Variants in CEACAM5 observed in about 807,000 individuals in gnomAD.
CEACAM5 encodes the protein CEA cell adhesion molecule 5.
Under a neutral mutation model 63.0 loss-of-function variants are expected in CEACAM5, and 52 were observed. The ratio of observed to expected loss-of-function variants is 0.83; its 90% confidence interval spans 0.66 to 1.04. CEACAM5 has a LOEUF of 1.04. Among genes scored for constraint, CEACAM5 ranks in the 50% least tolerant of loss-of-function variants. The pLI is 0.00. For missense variants in CEACAM5, 790 were observed against 864.8 expected (o/e 0.91, Z 1.08); for synonymous variants, 357 against 351.3 (o/e 1.02, Z -0.18).
In CEACAM5 at chr19:41,710,008, TGAA is replaced by T; in HGVS notation, c.398_400del (p.Glu133del). The T allele has an allele frequency of 1.2e-6, 2 of 1,609,480 alleles. No homozygotes were observed. The highest frequency in any genetic ancestry group is 3.3e-4 in the Middle Eastern group (2 of 6,040). On this transcript the variant is annotated inframe_deletion, in exon 2 of 10. Coordinates refer to ENST00000221992, the MANE Select transcript of CEACAM5 (RefSeq NM_004363.6). ...ACGTCATAAAGTCAGATCTTGTGAA[TGAA>T]GAAGCAACTGGCCAGTTCCGGGTAT... is the stretch of plus-strand genomic sequence containing the variant.
chr19:41,716,418 C>A (rs1212102918), intron 4 of CEACAM5, among the ~76,000 whole-genome samples: 2 of 152,254 alleles, frequency 1.3e-5, no homozygotes, highest in Non-Finnish European at 2.9e-5. Flanking sequence ...TGCCTGACTC[C>A]ACCTAGGTGG....
intron 8 of CEACAM5, among the ~76,000 whole-genome samples, chr19:41,725,517 G>A (rs1315770139): frequency 5.3e-5 from 8 of 151,962 alleles, no homozygotes; most frequent in African/African-American, 1.7e-4. Flanking sequence ...CTACAGACAT[G>A]TGACACCAAG....
chr19:41,714,604 G>A (rs549995258), intron 2 of CEACAM5, among the ~76,000 whole-genome samples: 2 of 152,198 alleles, frequency 1.3e-5, no homozygotes, highest in African/African-American at 4.8e-5. Context: ...GAAGGTGGAA[G>A]GGACCCAGCA....
intron 6 of CEACAM5, 46 bp from the exon 7 acceptor site, chr19:41,719,884 A>T (rs782175194): frequency 6.2e-7 from 1 of 1,610,310 alleles, no homozygotes; most frequent in South Asian, 1.1e-5. Flanking sequence ...CCTGTGAGGA[A>T]TCAAAAGTGC....
At chr19:41,709,285 G>A (rs1600451013) in intron 1 of CEACAM5, among the ~76,000 whole-genome samples, 1 of 152,182 alleles carries the variant, frequency 6.6e-6, no homozygotes, top group East Asian at 1.9e-4. Context: ...AAGAGATCTA[G>A]AATGTGAGGT....
intron 2 of CEACAM5, among the ~76,000 whole-genome samples, chr19:41,711,362 C>T (rs1555814039): frequency 1.3e-5 from 2 of 152,196 alleles, no homozygotes; most frequent in African/African-American, 4.8e-5. Context: ...CCCACTCACA[C>T]CCTGTGCCAA....
In CEACAM5 at chr19:41,727,342, C is replaced by T. The variant is rs368616491; in HGVS notation, c.*26C>T. ...CAGCCCTGGTGTAGTTTCTTCATTT[C>T]AGGAAGACTGGTAGGTATAATGGCC... is the stretch of plus-strand genomic sequence containing the variant. On this transcript the variant is annotated 3_prime_UTR_variant, in exon 9 of 10. Coordinates refer to ENST00000221992, the MANE Select transcript of CEACAM5 (RefSeq NM_004363.6). 4.2e-5 allele frequency: 64 copies of T among 1,507,430 alleles called. No individual in the cohort carries two copies. The African/African-American group carries it at 8.3e-4, about 19-fold the overall frequency. 93.4% of individuals were successfully genotyped at this position (1,507,430 alleles called of 1,614,324 possible).
intron 1 of CEACAM5, among the ~76,000 whole-genome samples, chr19:41,709,049 A>G (rs1325459671): frequency 6.6e-6 from 1 of 152,260 alleles, no homozygotes; most frequent in Non-Finnish European, 1.5e-5. Flanking sequence ...TAACTGCATC[A>G]GATGACACTT....
chr19:41,719,002 G>A (rs533639544), intron 6 of CEACAM5, among the ~76,000 whole-genome samples: 2 of 152,356 alleles, frequency 1.3e-5, no homozygotes, highest in East Asian at 3.9e-4. Context: ...CCCAGGGTCA[G>A]GCTACAGGGA....
chr19:41,718,528 T>G, intron 6 of CEACAM5, 146 bp downstream of exon 6: 2 of 799,334 alleles, frequency 2.5e-6, no homozygotes, highest in East Asian at 2.5e-5. Context: ...ACTCCCAATT[T>G]GTCTCTACAA....
At chr19:41,713,573 T>C (rs2072470856) in intron 2 of CEACAM5, among the ~76,000 whole-genome samples, 1 of 152,044 alleles carries the variant, frequency 6.6e-6, no homozygotes, top group Non-Finnish European at 1.5e-5. Context: ...CATGAACAAC[T>C]CTCCATTCCC....
chr19:41,721,434 T>A (rs1485433365), intron 8 of CEACAM5, among the ~76,000 whole-genome samples: 1 of 152,226 alleles, frequency 6.6e-6, no homozygotes, highest in East Asian at 1.9e-4. Flanking sequence ...CCCCCAATAG[T>A]GAAAGGGACT....
At chr19:41,719,304 T>C (rs1555815688) in intron 6 of CEACAM5, among the ~76,000 whole-genome samples, 1 of 152,190 alleles carries the variant, frequency 6.6e-6, no homozygotes, top group Non-Finnish European at 1.5e-5. Flanking sequence ...GCATTAAATA[T>C]TTTCCCATTA....
rs1482649811 is a variant in CEACAM5 at position 41,715,172 on chromosome 19, A to T, written c.626A>T (p.Asp209Val). 1 of 1,614,118 alleles carries T rather than the reference A, an allele frequency of 6.2e-7. No individual in the cohort carries two copies. The highest frequency in any genetic ancestry group is 8.5e-7 in the Non-Finnish European group (1 of 1,180,054). ...ACTCTATTCAATGTCACAAGAAATG[A>T]CACAGCAAGCTACAAATGTGAAACC... is the stretch of plus-strand genomic sequence containing the variant. Reference protein sequence around the residue: ...TLTLFNVTRNDTASYKCETQN... With the variant: ...TLTLFNVTRNVTASYKCETQN... Residue 209 changes from aspartate to valine, a missense_variant, in exon 3 of 10, where the codon GAC becomes GTC. By Grantham distance (152) the Asp-to-Val change is radical (BLOSUM62 -3). Transcript: ENST00000221992.
chr19:41,716,941 C>G (rs1358892728), intron 4 of CEACAM5, among the ~76,000 whole-genome samples: 1 of 152,238 alleles, frequency 6.6e-6, no homozygotes, highest in Non-Finnish European at 1.5e-5. Flanking sequence ...AGTCTGATCC[C>G]TGACTTGTCA....
chr19:41,723,000 C>T (rs1287995228), intron 8 of CEACAM5, among the ~76,000 whole-genome samples: 8 of 152,094 alleles, frequency 5.3e-5, no homozygotes, highest in South Asian at 2.1e-4. Context: ...CTCCGCCTCC[C>T]GTGTTCACGC....
chr19:41,718,137 A>C lies in CEACAM5; in HGVS notation c.1247A>C (p.Asp416Ala). The change falls in exon 6 of 10, where the codon GAC (aspartate) becomes GCC (alanine). Residue 416 changes from aspartate (D) to alanine (A), a missense_variant. By Grantham distance (126) the Asp-to-Ala change is moderately radical (BLOSUM62 -2). Transcript: ENST00000221992. ...PVILNVLYGP[D>A]DPTISPSYTY... ...ATTCTCTTTGCTCCAGATGGCCCAG[A>C]CGACCCCACCATTTCCCCCTCATAC... The C allele has an allele frequency of 6.2e-7, 1 of 1,614,170 alleles. No individual in the cohort carries two copies.
chr19:41,709,847 C>T lies in CEACAM5; in HGVS notation c.232C>T (p.Gln78Ter). The T allele has an allele frequency of 1.2e-6, 2 of 1,614,076 alleles. No individual in the cohort carries two copies. The highest frequency in any genetic ancestry group is 1.7e-6 in the Non-Finnish European group (2 of 1,180,006). The change falls in exon 2 of 10, where the codon CAA becomes TAA. Residue 78 changes from glutamine (Q) to a stop codon, truncating the protein, a stop_gained. Coordinates refer to ENST00000221992, the MANE Select transcript of CEACAM5 (RefSeq NM_004363.6). LOFTEE classifies it high-confidence loss of function. Reference sequence around the variant, plus strand: ...AGGTGAAAGAGTGGATGGCAACCGTCAAATTATAGGATATGTAATAGGAAC... The same window carrying T: ...AGGTGAAAGAGTGGATGGCAACCGTTAAATTATAGGATATGTAATAGGAAC... Reference protein sequence around the residue: ...YKGERVDGNRQIIGYVIGTQQ... With the variant: ...YKGERVDGNR
At chr19:41,718,481 C>A in intron 6 of CEACAM5, 99 bp downstream of exon 6, 1 of 1,276,556 alleles carries the variant, frequency 7.8e-7, no homozygotes, top group Non-Finnish European at 1.1e-6. Flanking sequence ...TAGTATGCAT[C>A]CAATGGGCAC....
Sources: gnomAD v4.1 joint callset for allele counts (sites outside exome capture counted in the v4.1 genomes callset) on GRCh38, gnomAD v4.1.1 for gene constraint, MANE v1.5 for transcripts, NCBI Gene and HGNC (gene_info 2026-07-23, HGNC 2026-07-21) for gene names.